Variants in RSU1 observed in about 807,000 individuals in gnomAD.
RSU1 encodes the protein Ras suppressor protein 1.
Under a neutral mutation model 31.1 loss-of-function variants are expected in RSU1, and 26 were observed. That is an observed-to-expected ratio of 0.84 (90% CI 0.61 to 1.16). The LOEUF is 1.16. Ranked by LOEUF, RSU1 falls within the 50% of genes most tolerant of loss-of-function variation. RSU1 has a pLI of 0.00. For missense variants in RSU1, 320 were observed against 339.1 expected, an observed-to-expected ratio of 0.94 and a Z score of 0.44; for synonymous variants, 164 against 136.3, an observed-to-expected ratio of 1.20 and a Z score of -1.41.
intron 4 of RSU1, among the ~76,000 whole-genome samples, chr10:16,763,105 A>G (rs1284487194): frequency 6.6e-6 from 1 of 152,202 alleles, no homozygotes; most frequent in Non-Finnish European, 1.5e-5. Flanking sequence ...TACAAATTTA[A>G]TGAACATATG....
chr10:16,620,948 G>A (rs1221031283), intron 8 of RSU1, among the ~76,000 whole-genome samples: 2 of 152,076 alleles, frequency 1.3e-5, no homozygotes, highest in African/African-American at 4.8e-5. Context: ...GGGCAGTCCT[G>A]AAACCAGAAT....
intron 8 of RSU1, among the ~76,000 whole-genome samples, chr10:16,599,108 C>A (rs562130170): frequency 3.2e-4 from 49 of 152,268 alleles, no homozygotes; most frequent in African/African-American, 1.2e-3. Flanking sequence ...TTGTGTTTTG[C>A]ATGTACCTGG....
chr10:16,623,687 G>GT (rs1225984542), intron 8 of RSU1, among the ~76,000 whole-genome samples: 5 of 152,106 alleles, frequency 3.3e-5, no homozygotes, highest in African/African-American at 4.8e-5. Flanking sequence ...CCAGCATGTT[G>GT]TTTTTTGACA....
intron 3 of RSU1, among the ~76,000 whole-genome samples, chr10:16,771,416 T>A (rs1837422303): frequency 6.6e-6 from 1 of 152,200 alleles, no homozygotes; most frequent in African/African-American, 2.4e-5. Flanking sequence ...ACAGCCTTTT[T>A]AATCTCTAGC....
rs1223182007 is a variant in RSU1, at chr10:16,702,151, G to A, written c.599-6996C>T. Among the ~76,000 whole-genome samples, 8 of 152,228 alleles carry A rather than the reference G, an allele frequency of 5.3e-5. No individual in the cohort carries two copies. The East Asian group carries it at 1.3e-3, about 26-fold the overall frequency. ...CCCAGAGTGAAAGAATTGAAGACGGGAAGCCTCTGCCTAGATTTCAGAGAA... is the reference window on the plus strand; with the variant it reads ...CCCAGAGTGAAAGAATTGAAGACGGAAAGCCTCTGCCTAGATTTCAGAGAA... On this transcript the variant is annotated intron_variant, in intron 7 of 8. Transcript: ENST00000345264.
chr10:16,718,428 T>G lies in RSU1; in HGVS notation c.599-23273A>C, dbSNP rs369879597. Among the ~76,000 whole-genome samples, 4 of 152,214 alleles carry G rather than the reference T, an allele frequency of 2.6e-5. No individual in the cohort carries two copies. In the East Asian group the frequency reaches 7.7e-4, roughly 29 times the overall value. On this transcript the variant is annotated intron_variant, in intron 7 of 8. Coordinates refer to ENST00000345264, the MANE Select transcript of RSU1 (RefSeq NM_012425.4). ...CATTATTTGTATTTATCATTTTATTTGATTATCCTGATCTGGAAAGTCAAA... is the reference window on the plus strand; with the variant it reads ...CATTATTTGTATTTATCATTTTATTGGATTATCCTGATCTGGAAAGTCAAA...
Position 16,647,532 on chromosome 10 carries a change from A to G in RSU1, c.731+47491T>C, listed in dbSNP as rs188069593. 1.1e-3 allele frequency among the ~76,000 whole-genome samples: 168 copies of G among 152,330 alleles called. 7 individuals are homozygous for G. Among genetic ancestry groups the G allele is most frequent in the Admixed American group, 0.011 (163 of 15,300 alleles). ...GTGAATGGACAAAGAAACATGGTAA[A>G]ACCATATAGTATGATGTTATTCAGA... is the stretch of plus-strand genomic sequence containing the variant. On this transcript the variant is annotated intron_variant, in intron 8 of 8. Coordinates refer to ENST00000345264, the MANE Select transcript of RSU1 (RefSeq NM_012425.4).
At chr10:16,690,859 T>C (rs1313326891) in intron 8 of RSU1, among the ~76,000 whole-genome samples, 2 of 152,210 alleles carry the variant, frequency 1.3e-5, no homozygotes, top group Admixed American at 1.3e-4. Flanking sequence ...AGGAGGTTCA[T>C]AGGCGTTTTA....
At chr10:16,725,828 G>A (rs750077817) in intron 7 of RSU1, among the ~76,000 whole-genome samples, 15 of 145,406 alleles carry the variant, frequency 1.0e-4, no homozygotes, top group Non-Finnish European at 1.9e-4. Flanking sequence ...AATGGACTAA[G>A]GCATCTAGTA....
intron 8 of RSU1, among the ~76,000 whole-genome samples, chr10:16,614,809 A>C (rs2131471610): frequency 6.6e-6 from 1 of 152,328 alleles, no homozygotes; most frequent in East Asian, 1.9e-4. Flanking sequence ...CCGAGGCAAG[A>C]ATCGTGAACA....
intron 8 of RSU1, among the ~76,000 whole-genome samples, chr10:16,603,172 A>C (rs1242703960): frequency 1.3e-5 from 2 of 152,228 alleles, no homozygotes; most frequent in Admixed American, 1.3e-4. Context: ...AAGAAAGTAT[A>C]AACATACATG....
chr10:16,746,568 C>T (rs908919229), intron 7 of RSU1, among the ~76,000 whole-genome samples: 1 of 151,918 alleles, frequency 6.6e-6, no homozygotes, highest in African/African-American at 2.4e-5. Flanking sequence ...AGATCTTCAG[C>T]TCACACAACA....
At chr10:16,720,890 G>A (rs1276703683) in intron 7 of RSU1, among the ~76,000 whole-genome samples, 2 of 152,146 alleles carry the variant, frequency 1.3e-5, no homozygotes, top group African/African-American at 4.8e-5. Flanking sequence ...GGAGGCTGAG[G>A]TGGGAGGATC....
intron 8 of RSU1, among the ~76,000 whole-genome samples, chr10:16,691,142 T>C (rs1564318590): frequency 6.6e-6 from 1 of 152,170 alleles, no homozygotes; most frequent in Non-Finnish European, 1.5e-5. Context: ...GGCTGCCACA[T>C]GTAAAACGTT....
intron 2 of RSU1, among the ~76,000 whole-genome samples, chr10:16,811,150 T>C (rs910076281): frequency 6.6e-5 from 10 of 152,190 alleles, no homozygotes; most frequent in Non-Finnish European, 1.2e-4. Context: ...CAATTCCCTA[T>C]GGGATTCCAT....
At chr10:16,755,422 C>T (rs1055436455) in intron 4 of RSU1, among the ~76,000 whole-genome samples, 9 of 145,282 alleles carry the variant, frequency 6.2e-5, no homozygotes, top group Admixed American at 4.1e-4. Flanking sequence ...CATGCCCATC[C>T]TTTTTTTTTT....
intron 5 of RSU1, among the ~76,000 whole-genome samples, chr10:16,753,971 G>C (rs763462089): frequency 4.6e-5 from 7 of 152,060 alleles, no homozygotes; most frequent in Middle Eastern, 3.4e-3. Context: ...ATGTTGCCCA[G>C]GCTGGTCTTG....
chr10:16,671,955 A>G (rs573109508), intron 8 of RSU1, among the ~76,000 whole-genome samples: 6 of 151,190 alleles, frequency 4.0e-5, no homozygotes, highest in Non-Finnish European at 7.4e-5. Context: ...GAGAAATTGT[A>G]TATCAGATAA....
chr10:16,615,575 A>G (rs751840472), intron 8 of RSU1, among the ~76,000 whole-genome samples: 1 of 152,238 alleles, frequency 6.6e-6, no homozygotes, highest in Non-Finnish European at 1.5e-5. Flanking sequence ...AATCAACAGA[A>G]TATACATTCT....
Sources: gnomAD v4.1 joint callset for allele counts (sites outside exome capture counted in the v4.1 genomes callset) on GRCh38, gnomAD v4.1.1 for gene constraint, MANE v1.5 for transcripts, NCBI Gene and HGNC (gene_info 2026-07-23, HGNC 2026-07-21) for gene names.